Variants in RALYL observed in about 807,000 individuals in gnomAD.
RALYL encodes the protein RALY RNA binding protein like.
Under a neutral mutation model 35.1 loss-of-function variants are expected in RALYL, and 29 were observed. The observed-to-expected ratio is 0.83, with a 90% CI of 0.61 to 1.13. The LOEUF is 1.13. RALYL is among the 50% of genes most tolerant of loss of function. The pLI, the probability that RALYL is intolerant of heterozygous loss-of-function variation, is 0.00. For missense variants in RALYL, 359 were observed against 360.4 expected (o/e 1.00, Z 0.03); for synonymous variants, 120 against 127.6 (o/e 0.94, Z 0.40).
At chr8:84,514,356 C>T (rs372307476) in intron 1 of RALYL, among the ~76,000 whole-genome samples, 10 of 152,026 alleles carry the variant, frequency 6.6e-5, no homozygotes, top group African/African-American at 2.2e-4. Flanking sequence ...AGGTAAGTGG[C>T]CGTCTATCTA....
chr8:84,863,040 T>G (rs1180503305), intron 6 of RALYL, among the ~76,000 whole-genome samples: 1 of 152,242 alleles, frequency 6.6e-6, no homozygotes. Flanking sequence ...AACACATTGC[T>G]AAATTTTTAT....
rs550752035 is a variant in RALYL, at chr8:84,723,538, G to A, written c.257-51041G>A. On this transcript the variant is annotated intron_variant, in intron 2 of 8. Coordinates refer to ENST00000521268, the MANE Select transcript of RALYL (RefSeq NM_173848.7). ...AAGCAAAAAAGACTTCAGAGTTATC[G>A]AAGCTAAACTTTTGATTTCATAGAG... 7.9e-5 allele frequency among the ~76,000 whole-genome samples: 12 copies of A among 152,002 alleles called. No homozygotes were observed. In the East Asian group the frequency reaches 2.3e-3, roughly 29 times the overall value.
At chr8:84,592,192 A>G (rs1055052895) in intron 2 of RALYL, among the ~76,000 whole-genome samples, 4 of 152,188 alleles carry the variant, frequency 2.6e-5, no homozygotes, top group Non-Finnish European at 4.4e-5. Context: ...ACATTCTCAT[A>G]ACTTGCTCTG....
Position 84,539,864 on chromosome 8 carries a change from A to G in RALYL, c.256+10287A>G, listed in dbSNP as rs1384414011. ...TATATATATATATATGTATATATAT[A>G]TATATATATATATGTATATATATGT... On this transcript the variant is annotated intron_variant, in intron 2 of 8. Transcript: ENST00000521268. Among the ~76,000 whole-genome samples, 71 of 99,538 alleles carry G rather than the reference A, an allele frequency of 7.1e-4. 1 individual carries two copies. The highest frequency in any genetic ancestry group is 1.9e-3 in the African/African-American group (52 of 26,968). The allele number at this position is 99,538 out of a possible 152,430, so 65.3% of individuals were successfully genotyped here.
chr8:84,295,596 G>A (rs750181127), intron 1 of RALYL, among the ~76,000 whole-genome samples: 29 of 152,224 alleles, frequency 1.9e-4, no homozygotes, highest in Non-Finnish European at 3.4e-4. Context: ...CACCCACCCA[G>A]CCTGAAGTGT....
chr8:84,772,326 A>G (rs1815746043), intron 2 of RALYL, among the ~76,000 whole-genome samples: 1 of 152,008 alleles, frequency 6.6e-6, no homozygotes, highest in Admixed American at 6.6e-5. Context: ...TATCATGGCT[A>G]TGTTTGGCCT....
intron 8 of RALYL, among the ~76,000 whole-genome samples, chr8:84,896,407 T>C (rs575529278): frequency 5.9e-5 from 9 of 152,346 alleles, no homozygotes; most frequent in African/African-American, 2.2e-4. Flanking sequence ...GCTTCTGGCC[T>C]TAGTCTTCTG....
chr8:84,238,415 TTATTTA>T (rs1827093885), intron 1 of RALYL, among the ~76,000 whole-genome samples: 1 of 152,138 alleles, frequency 6.6e-6, no homozygotes, highest in African/African-American at 2.4e-5. Context: ...ACTTTGTTCT[TTATTTA>T]TATTTATATT....
intron 1 of RALYL, among the ~76,000 whole-genome samples, chr8:84,371,208 A>G (rs922986283): frequency 6.6e-6 from 1 of 152,028 alleles, no homozygotes; most frequent in Non-Finnish European, 1.5e-5. Context: ...ACATTCATAT[A>G]TTTAATATTA....
intron 2 of RALYL, among the ~76,000 whole-genome samples, chr8:84,697,468 G>A (rs1459080519): frequency 1.3e-5 from 2 of 151,956 alleles, no homozygotes. Context: ...TTTCCCCGAA[G>A]AACATTCTCC....
chr8:84,264,359 T>C (rs1832869542), intron 1 of RALYL, among the ~76,000 whole-genome samples: 2 of 152,168 alleles, frequency 1.3e-5, no homozygotes, highest in Non-Finnish European at 1.5e-5. Flanking sequence ...ATTTCTCTAA[T>C]GATCAGTGAT....
At chr8:84,485,508 G>A (rs2054517680) in intron 1 of RALYL, among the ~76,000 whole-genome samples, 1 of 152,078 alleles carries the variant, frequency 6.6e-6, no homozygotes. Context: ...TGAACCAAGG[G>A]AGGCAGAGGT....
chr8:84,618,587 A>G (rs2131013688), intron 2 of RALYL, among the ~76,000 whole-genome samples: 1 of 101,852 alleles, frequency 9.8e-6, no homozygotes, highest in Non-Finnish European at 1.9e-5. Context: ...TTGTGTCTCT[A>G]TTTCCTTCAG....
intron 1 of RALYL, among the ~76,000 whole-genome samples, chr8:84,285,260 A>G (rs1230343469): frequency 6.6e-6 from 1 of 152,258 alleles, no homozygotes; most frequent in Non-Finnish European, 1.5e-5. Context: ...CTACAATCCC[A>G]AAATATTCTT....
rs1449851241 is a variant in RALYL at position 84,664,480 on chromosome 8, C to T, written c.257-110099C>T. 2.0e-5 allele frequency among the ~76,000 whole-genome samples: 3 copies of T among 151,722 alleles called. 1 individual carries two copies. The Admixed American group carries it at 2.0e-4, about 10-fold the overall frequency. On this transcript the variant is annotated intron_variant, in intron 2 of 8. Transcript: ENST00000521268. ...TATCCATGAGCATGGAATGTGTTTC[C>T]ATTTGTTTGTGTGATCTCTGATGTC...
At chr8:84,514,090 T>TAAAAAAAAAAAAAAAAAAAAAAAAAAAA (rs57881021) in intron 1 of RALYL, among the ~76,000 whole-genome samples, 11 of 41,148 alleles carry the variant, frequency 2.7e-4, no homozygotes, top group East Asian at 8.8e-4. Context: ...AGATTTCATC[T>TAAAAAAAAAAAAAAAAAAAAAAAAAAAA]AAAAAAAAAA....
chr8:84,823,732 T>C lies in RALYL; in HGVS notation c.365+18930T>C, dbSNP rs182954828. On this transcript the variant is annotated intron_variant, in intron 4 of 8. Transcript: ENST00000521268. ...TCTTCTCTCTTTCCTCTTCTCTTCC[T>C]TTCTCCTCATTCTCTCCTTGTCCTA... Among the ~76,000 whole-genome samples, 92 of 152,166 alleles carry C rather than the reference T, an allele frequency of 6.0e-4. 1 individual carries two copies. The highest frequency in any genetic ancestry group is 1.1e-3 in the Non-Finnish European group (74 of 67,964).
At chr8:84,564,352 C>T (rs376621499) in intron 2 of RALYL, among the ~76,000 whole-genome samples, 44 of 151,766 alleles carry the variant, frequency 2.9e-4, no homozygotes, top group Non-Finnish European at 4.9e-4. Context: ...TCTGGCTTCT[C>T]TTGAACACTT....
chr8:84,507,315 A>G (rs970798591), intron 1 of RALYL, among the ~76,000 whole-genome samples: 17 of 152,238 alleles, frequency 1.1e-4, no homozygotes, highest in African/African-American at 4.1e-4. Flanking sequence ...AAACATGAAC[A>G]TCATTGGTCC....
Sources: allele counts gnomAD v4.1 joint callset (sites outside exome capture counted in the v4.1 genomes callset), GRCh38; gene constraint gnomAD v4.1.1; transcripts MANE v1.5; gene names NCBI Gene and HGNC (gene_info 2026-07-23, HGNC 2026-07-21).